The following CDH26 variants were observed in gnomAD, a reference collection of about 807,000 sequenced individuals.
CDH26 encodes cadherin 26.
Under a neutral mutation model 90.3 loss-of-function variants are expected in CDH26, and 83 were observed. That is an observed-to-expected ratio of 0.92 (90% CI 0.77 to 1.10). The LOEUF is 1.10. Ranked by LOEUF, CDH26 falls within the 50% of genes least tolerant of loss-of-function variation. The pLI, the probability that CDH26 is intolerant of heterozygous loss-of-function variation, is 0.00. For synonymous variants in CDH26, 397 were observed against 396.3 expected (o/e 1.00, Z -0.02); for missense variants, 1,013 against 1,037.6 (o/e 0.98, Z 0.33).
chr20:60,009,838 T>C (rs2061806132), intron 17 of CDH26, among the ~76,000 whole-genome samples: 1 of 152,092 alleles, frequency 6.6e-6, no homozygotes, highest in Non-Finnish European at 1.5e-5. Flanking sequence ...ACACACCAGG[T>C]CTGTCGCTAA....
rs74874445 is a variant in CDH26, at chr20:60,027,380, A to G, written c.948-3851A>G. ...CTAGATTCTGTAGTTAACATTTGCT[A>G]TATTTGCTTTAACACACATCAATGC... On this transcript the variant is annotated intron_variant, in intron 7 of 8. Transcript: ENST00000370991. 5.3e-3 allele frequency among the ~76,000 whole-genome samples: 809 copies of G among 152,262 alleles called. 8 individuals are homozygous for G. Among genetic ancestry groups the G allele is most frequent in the African/African-American group, 0.018 (757 of 41,534 alleles).
At chr20:59,981,185 T>G (rs763648365) in intron 4 of CDH26, among the ~76,000 whole-genome samples, 1 of 152,194 alleles carries the variant, frequency 6.6e-6, no homozygotes, top group Non-Finnish European at 1.5e-5. Flanking sequence ...TAACTTTGTG[T>G]TTCTTTTTCA....
At chr20:59,991,354 G>A (rs1038063230) in intron 9 of CDH26, among the ~76,000 whole-genome samples, 11 of 152,190 alleles carry the variant, frequency 7.2e-5, no homozygotes, top group Admixed American at 2.6e-4. Flanking sequence ...CAGGAGGCAG[G>A]ATGAGTGTCT....
chr20:59,987,135 T>C (rs1030275274), intron 7 of CDH26, among the ~76,000 whole-genome samples: 1 of 152,190 alleles, frequency 6.6e-6, no homozygotes, highest in Non-Finnish European at 1.5e-5. Context: ...GGATTGTGTA[T>C]TATTATTTTT....
At chr20:60,029,724 G>A (rs2146035399) in intron 7 of CDH26, among the ~76,000 whole-genome samples, 4 of 152,188 alleles carry the variant, frequency 2.6e-5, no homozygotes, top group Admixed American at 2.6e-4. Context: ...TTATGAGTGA[G>A]AACATGTGGT....
chr20:60,027,291 GT>G (rs1335707421), intron 7 of CDH26, among the ~76,000 whole-genome samples: 1 of 152,054 alleles, frequency 6.6e-6, no homozygotes, highest in Non-Finnish European at 1.5e-5. Context: ...AATCTCTGTT[GT>G]TTTTTTCCCT....
At chr20:59,983,635 T>G (rs1466369696) in intron 5 of CDH26, among the ~76,000 whole-genome samples, 1 of 152,254 alleles carries the variant, frequency 6.6e-6, no homozygotes, top group Non-Finnish European at 1.5e-5. Context: ...TTGTGTGCAT[T>G]TTCTGTGTGT....
At chr20:60,008,236 T>A (rs1237100049) in intron 17 of CDH26, among the ~76,000 whole-genome samples, 1 of 152,206 alleles carries the variant, frequency 6.6e-6, no homozygotes, top group Admixed American at 6.5e-5. Flanking sequence ...ACGTGTATAA[T>A]ACTCACTTTG....
chr20:59,974,836 C>G (rs1210615381), intron 4 of CDH26, among the ~76,000 whole-genome samples: 1 of 152,154 alleles, frequency 6.6e-6, no homozygotes, highest in Non-Finnish European at 1.5e-5. Context: ...CTCCTCAACA[C>G]CACTCATCAC....
rs377488268 is a variant in CDH26, at chr20:59,989,038, G to T, written c.1158G>T (p.Gln386His). The change falls in exon 9 of 18, where the codon CAG becomes CAT. Residue 386 changes from glutamine to histidine, a missense_variant. By Grantham distance (24) the Gln-to-His change is conservative. Coordinates refer to ENST00000348616, the MANE Select transcript of CDH26 (RefSeq NM_177980.4). Reference sequence around the variant, plus strand: ...CAGCCAGCGCCACTGTGAGTGTGCAGGTGACAGACGCCAACGACCCACCAG... The same window carrying T: ...CAGCCAGCGCCACTGTGAGTGTGCATGTGACAGACGCCAACGACCCACCAG... ...KAAASATVSVQVTDANDPPAF... is the reference protein window; with the variant it reads ...KAAASATVSVHVTDANDPPAF... The T allele has an allele frequency of 5.0e-6, 8 of 1,614,084 alleles. No homozygotes were observed. The African/African-American group carries it at 9.3e-5, about 19-fold the overall frequency.
intron 7 of CDH26, among the ~76,000 whole-genome samples, chr20:60,021,897 C>CACACACACATATATATATAT (rs1295572684): frequency 1.3e-5 from 1 of 78,934 alleles, no homozygotes; most frequent in Admixed American, 1.3e-4. Context: ...CACACACACA[C>CACACACACATATATATATAT]ATATATATAT....
At chr20:59,962,345 C>G (rs1479708070) in intron 1 of CDH26, among the ~76,000 whole-genome samples, 1 of 152,174 alleles carries the variant, frequency 6.6e-6, no homozygotes, top group African/African-American at 2.4e-5. Context: ...AGTCTGAAAC[C>G]AAGGCGTCAG....
chr20:59,968,887 G>A, intron 1 of CDH26, 80 bp from the exon 2 acceptor site: 2 of 663,398 alleles, frequency 3.0e-6, no homozygotes, highest in Non-Finnish European at 5.1e-6. Flanking sequence ...TCTAATTCTA[G>A]ATTTGTGCAA....
intron 7 of CDH26, among the ~76,000 whole-genome samples, chr20:60,026,390 T>G (rs867378363): frequency 2.5e-4 from 35 of 139,264 alleles, no homozygotes; most frequent in South Asian, 7.4e-4. Context: ...TGGCTGGAGT[T>G]AGAGAGAGAG....
intron 16 of CDH26, among the ~76,000 whole-genome samples, chr20:60,005,168 C>CT (rs748364408): frequency 1.2e-4 from 19 of 152,080 alleles, no homozygotes; most frequent in Non-Finnish European, 2.1e-4. Context: ...TTCTAGCTTA[C>CT]TTTGTTATAA....
At chr20:59,991,867 C>T (rs1018073762) in intron 9 of CDH26, among the ~76,000 whole-genome samples, 3 of 152,104 alleles carry the variant, frequency 2.0e-5, no homozygotes, top group Non-Finnish European at 4.4e-5. Flanking sequence ...CTTGGCGTGG[C>T]CCACCCCTTA....
chr20:60,010,184 G>A (rs954403102), intron 17 of CDH26, among the ~76,000 whole-genome samples: 18 of 152,090 alleles, frequency 1.2e-4, no homozygotes, highest in Non-Finnish European at 2.1e-4. Context: ...GTCACTGGGT[G>A]GGGCGGGGCG....
rs921733449 is a variant in CDH26 at position 59,970,134 on chromosome 20, C to T, written c.179C>T (p.Thr60Ile). Residue 60 changes from threonine to isoleucine, a missense_variant, in exon 3 of 18, where the codon ACC becomes ATC. Thr to Ile is a moderately conservative substitution (Grantham distance 89, BLOSUM62 -1). Coordinates refer to ENST00000348616, the MANE Select transcript of CDH26 (RefSeq NM_177980.4). ...TCCAAGAGAAGATGGGTTATCACCACCTTGGAGCTGGAGGAGGAAGACCCG... is the reference window on the plus strand; with the variant it reads ...TCCAAGAGAAGATGGGTTATCACCATCTTGGAGCTGGAGGAGGAAGACCCG... Reference protein sequence around the residue: ...RRSKRRWVITTLELEEEDPGP... With the variant: ...RRSKRRWVITILELEEEDPGP... 8 of 1,614,104 alleles carry T rather than the reference C, an allele frequency of 5.0e-6. No individual in the cohort carries two copies. Among genetic ancestry groups the T allele is most frequent in the Non-Finnish European group, 6.8e-6 (8 of 1,179,988 alleles).
chr20:60,026,410 G>GAA (rs1465402504), intron 7 of CDH26, among the ~76,000 whole-genome samples: 1 of 151,980 alleles, frequency 6.6e-6, no homozygotes, highest in African/African-American at 2.4e-5. Flanking sequence ...GAGAGAGAGA[G>GAA]AGAGAGAGAG....
Sources: gnomAD v4.1 joint callset for allele counts (sites outside exome capture counted in the v4.1 genomes callset) on GRCh38, gnomAD v4.1.1 for gene constraint, MANE v1.5 for transcripts, NCBI Gene and HGNC (gene_info 2026-07-23, HGNC 2026-07-21) for gene names.